Variants in RBMS3 observed in about 807,000 individuals in gnomAD.
RBMS3 encodes RNA-binding motif, single-stranded-interacting protein 3.
Under a neutral mutation model 66.8 loss-of-function variants are expected in RBMS3, and 27 were observed. That is an observed-to-expected ratio of 0.40 (90% CI 0.30 to 0.56). RBMS3 has a LOEUF of 0.56. RBMS3 is among the 20% of genes least tolerant of loss of function. The probability of loss-of-function intolerance (pLI) is 0.40; values close to 1 mark genes in which losing one functional copy is unlikely to be tolerated. For missense variants in RBMS3, 513 were observed against 549.5 expected (o/e 0.93, Z 0.66); for synonymous variants, 188 against 183.0 (o/e 1.03, Z -0.22).
chr3:29,355,576 A>G (rs1308527070), intron 1 of RBMS3, among the ~76,000 whole-genome samples: 1 of 152,120 alleles, frequency 6.6e-6, no homozygotes, highest in Non-Finnish European at 1.5e-5. Context: ...AAAGGAAAAA[A>G]TGTTGATGAT....
At chr3:29,499,329 G>C (rs1488060414) in intron 3 of RBMS3, among the ~76,000 whole-genome samples, 1 of 151,742 alleles carries the variant, frequency 6.6e-6, no homozygotes, top group Non-Finnish European at 1.5e-5. Flanking sequence ...CTTCCCTTTA[G>C]TAAAGAAAAG....
chr3:29,486,878 G>A (rs930891220), intron 2 of RBMS3, among the ~76,000 whole-genome samples: 1 of 152,036 alleles, frequency 6.6e-6, no homozygotes, highest in African/African-American at 2.4e-5. Context: ...TTTGTCTTAA[G>A]GGTTTATGTG....
At chr3:29,504,234 G>C (rs762373289) in intron 3 of RBMS3, among the ~76,000 whole-genome samples, 1 of 152,100 alleles carries the variant, frequency 6.6e-6, no homozygotes, top group Non-Finnish European at 1.5e-5. Context: ...GGAAAAAAAT[G>C]ACCTCTTGGG....
chr3:29,724,819 G>T (rs139783959), intron 4 of RBMS3, among the ~76,000 whole-genome samples: 1 of 152,014 alleles, frequency 6.6e-6, no homozygotes, highest in Non-Finnish European at 1.5e-5. Context: ...CTAATTCTTC[G>T]TTGCCCTAAT....
At chr3:29,884,469 T>TCTACC (rs1553692501) in intron 8 of RBMS3, among the ~76,000 whole-genome samples, 1 of 66,334 alleles carries the variant, frequency 1.5e-5, no homozygotes, top group African/African-American at 5.3e-5. Flanking sequence ...TCTCTCTCTC[T>TCTACC]CCCCCCCCGC....
chr3:29,361,576 T>C (rs1411755817), intron 1 of RBMS3, among the ~76,000 whole-genome samples: 1 of 152,198 alleles, frequency 6.6e-6, no homozygotes, highest in Non-Finnish European at 1.5e-5. Context: ...CTGTATCTCC[T>C]GAATTTGAAT....
At chr3:29,401,685 G>A (rs1417919302) in intron 1 of RBMS3, among the ~76,000 whole-genome samples, 1 of 152,102 alleles carries the variant, frequency 6.6e-6, no homozygotes, top group Non-Finnish European at 1.5e-5. Context: ...TCTGAATGAA[G>A]ATGGGGGAAT....
At chr3:29,614,162 G>A (rs2048580756) in intron 4 of RBMS3, among the ~76,000 whole-genome samples, 1 of 152,112 alleles carries the variant, frequency 6.6e-6, no homozygotes, top group Non-Finnish European at 1.5e-5. Context: ...AAGGAATCTT[G>A]TAATTTGCAA....
chr3:29,935,423 G>A (rs1302193369), intron 10 of RBMS3, among the ~76,000 whole-genome samples: 1 of 152,056 alleles, frequency 6.6e-6, no homozygotes, highest in Non-Finnish European at 1.5e-5. Context: ...ATTGTGGATG[G>A]ACATAAAAAT....
At chr3:29,935,717 A>G (rs970578828) in intron 10 of RBMS3, among the ~76,000 whole-genome samples, 15 of 152,142 alleles carry the variant, frequency 9.9e-5, no homozygotes, top group Non-Finnish European at 1.3e-4. Flanking sequence ...TCAAATAACA[A>G]GAAAATTAGA....
chr3:29,861,531 G>C (rs922811790), intron 6 of RBMS3, among the ~76,000 whole-genome samples: 1 of 152,198 alleles, frequency 6.6e-6, no homozygotes, highest in Non-Finnish European at 1.5e-5. Flanking sequence ...CAGGAATTCT[G>C]CTGTCGATAT....
At chr3:29,825,556 G>T (rs2058190186) in intron 6 of RBMS3, among the ~76,000 whole-genome samples, 1 of 152,094 alleles carries the variant, frequency 6.6e-6, no homozygotes, top group Non-Finnish European at 1.5e-5. Flanking sequence ...TTATAATGGG[G>T]AGTTCCCCTG....
At position 29,587,106 on chromosome 3, in the gene RBMS3, T is replaced by C; in HGVS notation, c.308-8T>C. 3 of 1,599,652 alleles carry C rather than the reference T, an allele frequency of 1.9e-6. No individual in the cohort carries two copies. Among genetic ancestry groups the C allele is most frequent in the Non-Finnish European group, 2.6e-6 (3 of 1,173,896 alleles). On this transcript the variant is annotated splice_region_variant and splice_polypyrimidine_tract_variant and intron_variant, in intron 3 of 14. Transcript: ENST00000383767. ...GAATATTAACAAGGGGATTTTGTGT[T>C]TTCACAGGTTATGGTTTTGTAGATT...
intron 3 of RBMS3, among the ~76,000 whole-genome samples, chr3:29,567,226 T>G (rs1217459813): frequency 6.6e-6 from 1 of 152,090 alleles, no homozygotes; most frequent in Non-Finnish European, 1.5e-5. Context: ...ATTTGGTAAA[T>G]CAATAGCAAT....
intron 10 of RBMS3, among the ~76,000 whole-genome samples, chr3:29,931,154 T>A (rs967093147): frequency 1.3e-5 from 2 of 152,180 alleles, no homozygotes; most frequent in Non-Finnish European, 2.9e-5. Context: ...GTCATTGAAC[T>A]GAAAAATGAG....
chr3:29,772,349 A>T (rs1280285034), intron 6 of RBMS3, among the ~76,000 whole-genome samples: 1 of 152,090 alleles, frequency 6.6e-6, no homozygotes, highest in Non-Finnish European at 1.5e-5. Flanking sequence ...ATATACTAGT[A>T]TAGAACTTGT....
intron 6 of RBMS3, among the ~76,000 whole-genome samples, chr3:29,769,046 G>A (rs554810922): frequency 6.6e-6 from 1 of 151,986 alleles, no homozygotes; most frequent in African/African-American, 2.4e-5. Flanking sequence ...TGAATTTCAT[G>A]GCCCAAATGT....
At chr3:29,820,633 G>A (rs2058055870) in intron 6 of RBMS3, among the ~76,000 whole-genome samples, 1 of 152,094 alleles carries the variant, frequency 6.6e-6, no homozygotes, top group African/African-American at 2.4e-5. Context: ...TCACTAATTA[G>A]GTTTTGCTTT....
intron 1 of RBMS3, among the ~76,000 whole-genome samples, chr3:29,320,936 TAA>T (rs527826804): frequency 1.1e-4 from 16 of 144,522 alleles, no homozygotes; most frequent in African/African-American, 2.3e-4. Flanking sequence ...TTTGTGAATG[TAA>T]AAAAAAAAAA....
Sources: allele counts gnomAD v4.1 joint callset (sites outside exome capture counted in the v4.1 genomes callset), GRCh38; gene constraint gnomAD v4.1.1; transcripts MANE v1.5; gene names NCBI Gene and HGNC (gene_info 2026-07-23, HGNC 2026-07-21).